Variants in TXNDC11 observed in about 807,000 individuals in gnomAD.
The protein encoded by TXNDC11 is thioredoxin domain-containing protein 11.
Under a neutral mutation model 78.0 loss-of-function variants are expected in TXNDC11, and 68 were observed. The ratio of observed to expected loss-of-function variants is 0.87; its 90% CI spans 0.72 to 1.07. TXNDC11 has a LOEUF of 1.07. Among genes scored for constraint, TXNDC11 ranks in the 50% least tolerant of loss-of-function variants. The pLI, the probability that TXNDC11 is intolerant of heterozygous loss-of-function variation, is 0.00. For synonymous variants in TXNDC11, 571 were observed against 495.2 expected, an observed-to-expected ratio of 1.15 and a Z score of -2.03; for missense variants, 1,389 against 1,221.8, an observed-to-expected ratio of 1.14 and a Z score of -2.04.
Position 11,742,582 on chromosome 16 carries a change from C to T in TXNDC11, c.149G>A (p.Arg50His). ...CATGAGGAAGGCGCCACGCAGCCCG[C>T]GACGGAGCCGGCCCGCCGAGGACGC... is the stretch of plus-strand genomic sequence containing the variant. ...ATASSAGRLRRGLRGAFLMAR... is the reference protein window; with the variant it reads ...ATASSAGRLRHGLRGAFLMAR... Residue 50 changes from arginine (R) to histidine (H), a missense_variant, in exon 1 of 12, where the codon CGC becomes CAC. Transcript: ENST00000283033. 1 of 1,457,744 alleles carries T rather than the reference C, an allele frequency of 6.9e-7. No individual in the cohort carries two copies. Among genetic ancestry groups the T allele is most frequent in the Non-Finnish European group, 9.0e-7 (1 of 1,111,004 alleles). 90.3% of individuals were successfully genotyped at this position (1,457,744 alleles called of 1,614,324 possible). A position where few individuals can be genotyped will look rare whatever the true frequency, so the allele number is the denominator to read the frequency against.
At chr16:11,727,245 A>AT (rs569960235) in intron 4 of TXNDC11, among the ~76,000 whole-genome samples, 40 of 151,424 alleles carry the variant, frequency 2.6e-4, no homozygotes, top group Non-Finnish European at 4.7e-4. Context: ...TACGCAAGAA[A>AT]TTTTTTTTTA....
chr16:11,700,057 GTCACATTACTAC>G (rs2050968695), intron 6 of TXNDC11, among the ~76,000 whole-genome samples: 1 of 152,220 alleles, frequency 6.6e-6, no homozygotes, highest in African/African-American at 2.4e-5. Context: ...AGAAAAGCAT[GTCACATTACTAC>G]TCATCATAAA....
In TXNDC11 at chr16:11,692,057, T is replaced by G; in HGVS notation, c.1133A>C (p.Asn378Thr). ...CACCACCTGGTCCCCATGACAGTTGTTGTACTCCAAGGCCACTTCGGTGAT... is the reference window on the plus strand; with the variant it reads ...CACCACCTGGTCCCCATGACAGTTGGTGTACTCCAAGGCCACTTCGGTGAT... ...DEITEVALEY[N>T]NCHGDQVVER... is the part of the protein sequence containing the mutation. The change falls in exon 8 of 12, where the codon AAC becomes ACC. Residue 378 changes from asparagine to threonine, a missense_variant. Coordinates refer to ENST00000283033, the MANE Select transcript of TXNDC11 (RefSeq NM_015914.7). The G allele has an allele frequency of 6.5e-7, 1 of 1,532,800 alleles. No individual in the cohort carries two copies. The highest frequency in any genetic ancestry group is 8.8e-7 in the Non-Finnish European group (1 of 1,141,178). 94.9% of individuals were successfully genotyped at this position (1,532,800 alleles called of 1,614,324 possible). A position where few individuals can be genotyped will look rare whatever the true frequency, so the allele number is the denominator to read the frequency against.
intron 7 of TXNDC11, chr16:11,692,284 T>C (rs576589818): frequency 1.8e-5 from 9 of 506,968 alleles, no homozygotes; most frequent in Admixed American, 3.7e-5. Flanking sequence ...ATTTTTGCCA[T>C]TACAAAAACT....
At chr16:11,709,215 G>C (rs928943527) in intron 5 of TXNDC11, among the ~76,000 whole-genome samples, 21 of 151,204 alleles carry the variant, frequency 1.4e-4, no homozygotes, top group African/African-American at 4.6e-4. Flanking sequence ...TGTGGTGTTT[G>C]CCAAGATATT....
intron 5 of TXNDC11, among the ~76,000 whole-genome samples, chr16:11,708,391 C>G (rs2051244176): frequency 6.6e-6 from 1 of 152,292 alleles, no homozygotes; most frequent in Non-Finnish European, 1.5e-5. Context: ...AGACCTATGA[C>G]TCTAGCCTGA....
At chr16:11,737,528 G>A (rs1184989989) in intron 1 of TXNDC11, among the ~76,000 whole-genome samples, 4 of 151,222 alleles carry the variant, frequency 2.6e-5, no homozygotes, top group African/African-American at 9.7e-5. Flanking sequence ...CAAGGAGCAC[G>A]AAGGTAGACT....
At position 11,698,151 on chromosome 16, in the gene TXNDC11, C is replaced by A; in HGVS notation, c.1081G>T (p.Ala361Ser). The change falls in exon 7 of 12, where the codon GCC becomes TCC. Residue 361 changes from alanine to serine, a missense_variant. Physicochemically the swap from Ala to Ser is moderately conservative, Grantham distance 99. Coordinates refer to ENST00000283033, the MANE Select transcript of TXNDC11 (RefSeq NM_015914.7). ...TCGTCTATTAAAGGATGACTTTCGGCCAGGGGATTAAAAGGTATGAACAGA... is the reference window on the plus strand; with the variant it reads ...TCGTCTATTAAAGGATGACTTTCGGACAGGGGATTAAAAGGTATGAACAGA... ...LFLFIPFNPL[A>S]ESHPLIDEIT... 1.2e-6 allele frequency: 2 copies of A among 1,614,220 alleles called. No individual in the cohort carries two copies. Among genetic ancestry groups the A allele is most frequent in the Non-Finnish European group, 1.7e-6 (2 of 1,180,042 alleles).
intron 5 of TXNDC11, among the ~76,000 whole-genome samples, chr16:11,705,180 G>T (rs2051148361): frequency 6.6e-6 from 1 of 152,122 alleles, no homozygotes. Flanking sequence ...TTACAGGTGT[G>T]AGCCACCACA....
chr16:11,698,564 G>A (rs1041112105), intron 6 of TXNDC11, among the ~76,000 whole-genome samples: 2 of 152,264 alleles, frequency 1.3e-5, no homozygotes, highest in African/African-American at 4.8e-5. Context: ...TCATCTTTCT[G>A]CCTTGAGACA....
At chr16:11,711,780 C>T (rs997507902) in intron 5 of TXNDC11, among the ~76,000 whole-genome samples, 6 of 152,180 alleles carry the variant, frequency 3.9e-5, no homozygotes, top group African/African-American at 1.2e-4. Flanking sequence ...AACCCTGAGC[C>T]AGTTAGCAAC....
intron 5 of TXNDC11, among the ~76,000 whole-genome samples, chr16:11,710,425 C>A (rs1315346118): frequency 6.6e-6 from 1 of 152,224 alleles, no homozygotes; most frequent in Non-Finnish European, 1.5e-5. Context: ...AGGGCCATTG[C>A]ATTTTCAAGA....
intron 11 of TXNDC11, among the ~76,000 whole-genome samples, chr16:11,681,915 T>C (rs1361473444): frequency 6.6e-6 from 1 of 152,166 alleles, no homozygotes; most frequent in African/African-American, 2.4e-5. Flanking sequence ...TTGTAGACAA[T>C]TTGCAAGGGA....
intron 4 of TXNDC11, among the ~76,000 whole-genome samples, chr16:11,722,246 T>C (rs1413291251): frequency 6.6e-6 from 1 of 152,164 alleles, no homozygotes; most frequent in Non-Finnish European, 1.5e-5. Context: ...GCAACTCTCC[T>C]TTCCCTCAGA....
chr16:11,732,173 T>C (rs551796060), intron 3 of TXNDC11, among the ~76,000 whole-genome samples: 1 of 152,334 alleles, frequency 6.6e-6, no homozygotes, highest in African/African-American at 2.4e-5. Context: ...TAAAGTTCCT[T>C]TGAGGTCCCT....
chr16:11,690,029 T>C (rs2050666564), intron 8 of TXNDC11: 1 of 152,212 alleles, frequency 6.6e-6, no homozygotes, highest in Admixed American at 6.5e-5. Flanking sequence ...AGAAACAAGC[T>C]TCACCTAGAT....
At chr16:11,687,071 C>T (rs551056595) in intron 10 of TXNDC11, among the ~76,000 whole-genome samples, 1 of 152,294 alleles carries the variant, frequency 6.6e-6, no homozygotes, top group Non-Finnish European at 1.5e-5. Flanking sequence ...CACAGAGACA[C>T]TGGAAAATAT....
Position 11,742,708 on chromosome 16 carries a change from C to A in TXNDC11, c.23G>T (p.Gly8Val). MSECGGR[G>V]GGSSSSEDAE... is the part of the protein sequence containing the mutation. The stretch of plus-strand genomic sequence containing the variant: ...GTCCTCGCTGCTGCTGCTGCCGCCG[C>A]CGCGGCCTCCGCATTCCGACATTAC... The change falls in exon 1 of 12, where the codon GGC becomes GTC. Residue 8 changes from glycine (G) to valine (V), a missense_variant. Gly to Val is a moderately radical substitution (Grantham distance 109). Transcript: ENST00000283033. The A allele has an allele frequency of 6.7e-7, 1 of 1,482,250 alleles. No homozygotes were observed. Among genetic ancestry groups the A allele is most frequent in the Non-Finnish European group, 8.9e-7 (1 of 1,127,008 alleles). 91.8% of individuals were successfully genotyped at this position (1,482,250 alleles called of 1,614,324 possible).
intron 5 of TXNDC11, among the ~76,000 whole-genome samples, chr16:11,706,232 T>C (rs2051175860): frequency 6.6e-6 from 1 of 152,206 alleles, no homozygotes; most frequent in South Asian, 2.1e-4. Flanking sequence ...AACATCTGGG[T>C]AAAGAATTAG....
Sources: allele counts gnomAD v4.1 joint callset (sites outside exome capture counted in the v4.1 genomes callset), GRCh38; gene constraint gnomAD v4.1.1; transcripts MANE v1.5; gene names NCBI Gene and HGNC (gene_info 2026-07-23, HGNC 2026-07-21).